NIN: variants seen among roughly 807,000 people sequenced by gnomAD.
The protein encoded by NIN is ninein.
A neutral mutation model predicts 257.6 loss-of-function variants in NIN; 137 were observed. The ratio of observed to expected loss-of-function variants is 0.53; its 90% confidence interval spans 0.46 to 0.61. The LOEUF is 0.61. Among genes scored for constraint, NIN ranks in the 20% least tolerant of loss-of-function variants. The probability of loss-of-function intolerance (pLI) is 0.00; values close to 1 mark genes in which losing one functional copy is unlikely to be tolerated. For missense variants in NIN, 2,439 were observed against 2,501.2 expected, an observed-to-expected ratio of 0.98 and a Z score of 0.53; for synonymous variants, 918 against 919.8, an observed-to-expected ratio of 1.00 and a Z score of 0.04.
intron 30 of NIN, chr14:50,724,145 GTTAC>G (rs2140304031): frequency 5.2e-6 from 1 of 191,666 alleles, no homozygotes; most frequent in East Asian, 8.4e-5. Context: ...GATTTGGGCA[GTTAC>G]TTCTCCTGAA....
In NIN at chr14:50,725,777, G is replaced by A. The variant is rs75764688; in HGVS notation, c.6192+176C>T. On this transcript the variant is annotated intron_variant, in intron 30 of 30. Coordinates refer to ENST00000530997, the MANE Select transcript of NIN (RefSeq NM_020921.4). ...GAGCTTTGGAAAAAATACAGAGTTC[G>A]TATTTTTTGGGGTGATATGAGGGAT... 7,604 of 1,121,942 alleles carry A rather than the reference G, an allele frequency of 6.8e-3. 398 individuals carry two copies. In the African/African-American group the frequency reaches 0.11, roughly 16 times the overall value. 69.5% of individuals were successfully genotyped at this position (1,121,942 alleles called of 1,614,324 possible). A position where few individuals can be genotyped will look rare whatever the true frequency, so the allele number is the denominator to read the frequency against.
At chr14:50,794,540 G>C in intron 4 of NIN, 1 of 920,042 alleles carries the variant, frequency 1.1e-6, no homozygotes, top group Non-Finnish European at 1.3e-6. Flanking sequence ...TCAGATAAGA[G>C]GCAATGCAGA....
At chr14:50,784,238 A>G (rs892591184) in intron 5 of NIN, among the ~76,000 whole-genome samples, 2 of 152,206 alleles carry the variant, frequency 1.3e-5, no homozygotes, top group African/African-American at 4.8e-5. Flanking sequence ...CCAAAGGGAC[A>G]TGGAGTCATA....
intron 26 of NIN, 44 bp downstream of exon 26, chr14:50,739,264 G>C: frequency 6.3e-7 from 1 of 1,581,078 alleles, no homozygotes; most frequent in Non-Finnish European, 8.7e-7. Context: ...TATCAAACTA[G>C]TCATTTTCAA....
At chr14:50,780,651 A>G (rs1237246180) in intron 5 of NIN, among the ~76,000 whole-genome samples, 2 of 152,206 alleles carry the variant, frequency 1.3e-5, no homozygotes, top group African/African-American at 4.8e-5. Flanking sequence ...GATATTTAAG[A>G]TAGTATCAAT....
intron 25 of NIN, among the ~76,000 whole-genome samples, chr14:50,741,253 C>T (rs1029113195): frequency 2.6e-5 from 4 of 152,046 alleles, no homozygotes; most frequent in African/African-American, 9.7e-5. Flanking sequence ...CCATGGTCTT[C>T]TGACTTGCTC....
chr14:50,809,722 G>T (rs1165600371), intron 3 of NIN, among the ~76,000 whole-genome samples: 1 of 152,198 alleles, frequency 6.6e-6, no homozygotes, highest in Non-Finnish European at 1.5e-5. Flanking sequence ...ACATGACAAA[G>T]ACATCTATAA....
At chr14:50,771,240 C>T in intron 10 of NIN, 92 bp downstream of exon 10, 1 of 1,450,206 alleles carries the variant, frequency 6.9e-7, no homozygotes, top group Non-Finnish European at 9.4e-7. Context: ...CATTTGCATA[C>T]AGAATAGAAG....
intron 3 of NIN, among the ~76,000 whole-genome samples, chr14:50,819,322 A>G (rs2045085813): frequency 6.6e-6 from 1 of 152,180 alleles, no homozygotes; most frequent in Admixed American, 6.5e-5. Flanking sequence ...GTCATCTTGA[A>G]TTGTAGCTCC....
chr14:50,829,493 C>T (rs1217355925), intron 2 of NIN, among the ~76,000 whole-genome samples: 1 of 152,202 alleles, frequency 6.6e-6, no homozygotes, highest in East Asian at 1.9e-4. Flanking sequence ...CCTCATGTGT[C>T]AGGATGGACT....
At chr14:50,804,678 A>G (rs1343535225) in intron 4 of NIN, among the ~76,000 whole-genome samples, 2 of 152,160 alleles carry the variant, frequency 1.3e-5, no homozygotes, top group East Asian at 3.8e-4. Context: ...ACCAAGCTCA[A>G]CCAGCCATTG....
intron 5 of NIN, among the ~76,000 whole-genome samples, chr14:50,783,754 G>A (rs1175741804): frequency 1.3e-5 from 2 of 152,288 alleles, no homozygotes; most frequent in East Asian, 1.9e-4. Context: ...AGAAGGAGGG[G>A]AAGGCAGGTT....
At chr14:50,782,016 A>C (rs1008904739) in intron 5 of NIN, among the ~76,000 whole-genome samples, 1 of 151,876 alleles carries the variant, frequency 6.6e-6, no homozygotes, top group Non-Finnish European at 1.5e-5. Context: ...AAAAAAAAAA[A>C]ACCAAAAACA....
intron 5 of NIN, among the ~76,000 whole-genome samples, chr14:50,782,971 G>A (rs994975339): frequency 5.2e-5 from 7 of 134,894 alleles, no homozygotes; most frequent in Admixed American, 7.5e-5. Context: ...CAAAAGCGTC[G>A]TCAGATACGG....
intron 20 of NIN, 60 bp downstream of exon 20, chr14:50,754,503 T>C (rs1200908849): frequency 7.3e-7 from 1 of 1,378,878 alleles, no homozygotes; most frequent in African/African-American, 1.4e-5. Flanking sequence ...TTTATAAATT[T>C]CAAAAAATGG....
At position 50,721,698 on chromosome 14, in the gene NIN, A is replaced by C. The variant is rs1356215820; in HGVS notation, c.*1765T>G. 4.6e-6 allele frequency: 1 copy of C among 218,436 alleles called. No individual in the cohort carries two copies. Among genetic ancestry groups the C allele is most frequent in the African/African-American group, 2.2e-5 (1 of 44,578 alleles). The allele number at this position is 218,436 out of a possible 1,614,324, so 13.5% of individuals were successfully genotyped here. On this transcript the variant is annotated 3_prime_UTR_variant, in exon 31 of 31. Coordinates refer to ENST00000530997, the MANE Select transcript of NIN (RefSeq NM_020921.4). ...AGTATAATTATAGGGAAGGATTAAA[A>C]TTAACTCTTTATCCAGGGGGAACTC...
chr14:50,732,931 TAGGAG>T (rs1322704450), intron 28 of NIN, among the ~76,000 whole-genome samples: 1 of 151,442 alleles, frequency 6.6e-6, no homozygotes, highest in Non-Finnish European at 1.5e-5. Context: ...TGGAGAAATA[TAGGAG>T]AGATCAGGGA....
chr14:50,737,647 T>TTG (rs2041057869), intron 27 of NIN, among the ~76,000 whole-genome samples: 1 of 26,966 alleles, frequency 3.7e-5, no homozygotes, highest in Non-Finnish European at 7.1e-5. Flanking sequence ...TTTGTTGTTG[T>TTG]TTTTTTTTTT....
At chr14:50,742,344 G>A (rs1213465018) in intron 24 of NIN, 1 of 152,002 alleles carries the variant, frequency 6.6e-6, no homozygotes, top group Non-Finnish European at 1.5e-5. Context: ...CCAGGAGTTT[G>A]AGGTGGCAGC....
Sources: allele counts gnomAD v4.1 joint callset (sites outside exome capture counted in the v4.1 genomes callset), GRCh38; gene constraint gnomAD v4.1.1; transcripts MANE v1.5; gene names NCBI Gene and HGNC (gene_info 2026-07-23, HGNC 2026-07-21).